Variants in MYOCD observed in about 807,000 individuals in gnomAD.
MYOCD encodes the protein myocardin.
In MYOCD, 32 loss-of-function variants were observed where a neutral mutation model predicts 96.1. That is an observed-to-expected ratio of 0.33 (90% CI 0.25 to 0.45). MYOCD has a LOEUF of 0.45. Among genes scored for constraint, MYOCD ranks in the 20% least tolerant of loss-of-function variants. The pLI is 1.00. For missense variants in MYOCD, 1,133 were observed against 1,200.6 expected (o/e 0.94, Z 0.83); for synonymous variants, 469 against 469.0 (o/e 1.00, Z 0.00).
At chr17:12,750,931 C>T (rs958253019) in intron 9 of MYOCD, among the ~76,000 whole-genome samples, 1 of 152,124 alleles carries the variant, frequency 6.6e-6, no homozygotes, top group Admixed American at 6.6e-5. Flanking sequence ...TCAATTAGCA[C>T]ACTTGATACA....
chr17:12,749,121 A>G (rs939208155), intron 9 of MYOCD, among the ~76,000 whole-genome samples: 12 of 152,250 alleles, frequency 7.9e-5, no homozygotes. Context: ...AACATTTTTC[A>G]TAACTGTTAA....
rs1036014402 is a variant in MYOCD at position 12,767,028 on chromosome 17, T to C, written c.*3384T>C. On this transcript the variant is annotated 3_prime_UTR_variant, in exon 14 of 14. Transcript: ENST00000425538. ...GGAAGATAGGAGATGGGTAGGGGGG[T>C]AAAGAGAAAAGGAGGGAGAAGGGAA... is the stretch of plus-strand genomic sequence containing the variant. 10 of 121,880 alleles carry C rather than the reference T, an allele frequency of 8.2e-5. No individual in the cohort carries two copies. The highest frequency in any genetic ancestry group is 2.9e-4 in the African/African-American group (9 of 30,670). The allele number at this position is 121,880 out of a possible 1,614,324, so 7.5% of individuals were successfully genotyped here.
intron 5 of MYOCD, among the ~76,000 whole-genome samples, chr17:12,735,957 A>G (rs1190311679): frequency 1.3e-5 from 2 of 152,158 alleles, no homozygotes; most frequent in Non-Finnish European, 2.9e-5. Context: ...TAGACCTTTG[A>G]TAGAGCACTC....
chr17:12,679,680 CTG>C (rs1026433829), intron 1 of MYOCD, among the ~76,000 whole-genome samples: 5 of 152,006 alleles, frequency 3.3e-5, no homozygotes, highest in African/African-American at 9.7e-5. Flanking sequence ...GAGGGAAAAA[CTG>C]GAGTTGGTTA....
chr17:12,699,043 C>T (rs565924127), intron 1 of MYOCD, among the ~76,000 whole-genome samples: 1 of 150,932 alleles, frequency 6.6e-6, no homozygotes, highest in South Asian at 2.1e-4. Flanking sequence ...CGCCCGGCCC[C>T]AGACCCTCTT....
chr17:12,730,058 G>C (rs1012055041), intron 5 of MYOCD, among the ~76,000 whole-genome samples: 1 of 151,148 alleles, frequency 6.6e-6, no homozygotes, highest in African/African-American at 2.4e-5. Context: ...GAGGCAGGAG[G>C]ATCACTTGAA....
rs543751291 is a variant in MYOCD at position 12,766,479 on chromosome 17, C to T, written c.*2835C>T. ...CTACAGTCTCCACAAACCGCATTCACCCTCTCTCTTCATAGCTCAGACATG... is the reference window on the plus strand; with the variant it reads ...CTACAGTCTCCACAAACCGCATTCATCCTCTCTCTTCATAGCTCAGACATG... On this transcript the variant is annotated 3_prime_UTR_variant, in exon 14 of 14. Transcript: ENST00000425538. The T allele has an allele frequency of 3.3e-5, 5 of 152,314 alleles. No homozygotes were observed. Among genetic ancestry groups the T allele is most frequent in the African/African-American group, 1.2e-4 (5 of 41,564 alleles). 9.4% of individuals were successfully genotyped at this position (152,314 alleles called of 1,614,324 possible).
rs995541688 is a variant in MYOCD, at chr17:12,765,085, T to C, written c.*1441T>C. Reference sequence around the variant, plus strand: ...CTGGGTTTTTGAAAGAAAACAGAATTGCGCATTGAAAACGATGGAAGGAAA... The same window carrying C: ...CTGGGTTTTTGAAAGAAAACAGAATCGCGCATTGAAAACGATGGAAGGAAA... On this transcript the variant is annotated 3_prime_UTR_variant, in exon 14 of 14. Coordinates refer to ENST00000425538, the MANE Select transcript of MYOCD (RefSeq NM_001146312.3). The C allele has an allele frequency of 1.3e-5, 2 of 152,184 alleles. No individual in the cohort carries two copies. Among genetic ancestry groups the C allele is most frequent in the Non-Finnish European group, 2.9e-5 (2 of 68,046 alleles). 9.4% of individuals were successfully genotyped at this position (152,184 alleles called of 1,614,324 possible). A position where few individuals can be genotyped will look rare whatever the true frequency, so the allele number is the denominator to read the frequency against.
In MYOCD at chr17:12,700,189, G is replaced by A. The variant is rs981890814; in HGVS notation, c.56-4939G>A. 6.0e-4 allele frequency among the ~76,000 whole-genome samples: 91 copies of A among 150,900 alleles called. 1 individual carries two copies. The highest frequency in any genetic ancestry group is 2.2e-4 in the Non-Finnish European group (15 of 67,688). On this transcript the variant is annotated intron_variant, in intron 1 of 13. Coordinates refer to ENST00000425538, the MANE Select transcript of MYOCD (RefSeq NM_001146312.3). ...CTCCCAAAATGCTGGGATTACAGGCGTGAGCCACCACAACCAGTCAATAAG... is the reference window on the plus strand; with the variant it reads ...CTCCCAAAATGCTGGGATTACAGGCATGAGCCACCACAACCAGTCAATAAG...
intron 1 of MYOCD, among the ~76,000 whole-genome samples, chr17:12,670,228 G>A (rs1909620369): frequency 6.6e-6 from 1 of 152,128 alleles, no homozygotes; most frequent in African/African-American, 2.4e-5. Flanking sequence ...TCAGGTAGTG[G>A]GACCCACCCC....
At chr17:12,749,664 C>T (rs1487069332) in intron 9 of MYOCD, among the ~76,000 whole-genome samples, 2 of 87,758 alleles carry the variant, frequency 2.3e-5, no homozygotes, top group Admixed American at 1.2e-4. Context: ...TATATATACA[C>T]ATATGTATAT....
intron 5 of MYOCD, among the ~76,000 whole-genome samples, chr17:12,723,810 A>G (rs560525740): frequency 6.6e-6 from 1 of 152,314 alleles, no homozygotes; most frequent in Middle Eastern, 3.4e-3. Context: ...AGATATTAAT[A>G]AGCAGTGTAT....
intron 9 of MYOCD, among the ~76,000 whole-genome samples, chr17:12,751,420 G>A (rs1284019278): frequency 6.6e-6 from 1 of 151,976 alleles, no homozygotes; most frequent in East Asian, 1.9e-4. Context: ...AGCTTTAATG[G>A]ATCTGTAGTG....
In MYOCD at chr17:12,744,323, C is replaced by T. The variant is rs371750716; in HGVS notation, c.858C>T (p.Tyr286=). 163 of 1,614,106 alleles carry T rather than the reference C, an allele frequency of 1.0e-4. No homozygotes were observed. The highest frequency in any genetic ancestry group is 8.2e-4 in the Middle Eastern group (5 of 6,084). The change falls in exon 8 of 14, where the codon TAC becomes TAT. Residue 286 remains tyrosine, a synonymous_variant. Transcript: ENST00000425538. Reference sequence around the variant, plus strand: ...CCCCTCCACCTATGGACTCAGCCTACGCTCGGCTGCTCCAGCAACAGCAGC... The same window carrying T: ...CCCCTCCACCTATGGACTCAGCCTATGCTCGGCTGCTCCAGCAACAGCAGC... ...EKSPPPMDSA[Y]ARLLQQQQLF... is the part of the protein sequence containing the mutation.
At chr17:12,744,113 C>A (rs537701724) in intron 7 of MYOCD, 70 bp from the exon 8 acceptor site, 2 of 1,552,004 alleles carry the variant, frequency 1.3e-6, no homozygotes, top group South Asian at 2.5e-5. Flanking sequence ...TGCCTCACAA[C>A]GTGTCCATGA....
In MYOCD at chr17:12,666,155, T is replaced by TG. The variant is rs746519064; in HGVS notation, c.-32dup. 4 of 1,597,268 alleles carry TG rather than the reference T, an allele frequency of 2.5e-6. No homozygotes were observed. The East Asian group carries it at 8.9e-5, about 36-fold the overall frequency. ...TTGCTGGTGGAGAACAGGGGGCGCC[T>TG]GGCCAAGGGACCAGCGGCTTGCTGA... On this transcript the variant is annotated 5_prime_UTR_variant, in exon 1 of 14. It removes the in-frame stop codon of an upstream open reading frame in the 5' UTR. Coordinates refer to ENST00000425538, the MANE Select transcript of MYOCD (RefSeq NM_001146312.3).
chr17:12,760,893 A>G, intron 13 of MYOCD, 186 bp downstream of exon 13: 1 of 573,234 alleles, frequency 1.7e-6, no homozygotes, highest in East Asian at 2.8e-5. Context: ...TTAGTGGATG[A>G]TTCCTCACTG....
intron 4 of MYOCD, among the ~76,000 whole-genome samples, chr17:12,721,458 GC>G (rs2031837165): frequency 6.6e-6 from 1 of 152,220 alleles, no homozygotes. Flanking sequence ...AGTTAGGAAA[GC>G]CTTATGCTGG....
rs193131989 is a variant in MYOCD at position 12,763,203 on chromosome 17, C to A, written c.2520C>A (p.Ser840Arg). 1,374 of 1,614,138 alleles carry A rather than the reference C, an allele frequency of 8.5e-4. 22 individuals carry two copies. In the South Asian group the frequency reaches 0.011, roughly 13 times the overall value. Residue 840 changes from serine (S) to arginine (R), a missense_variant, in exon 14 of 14, where the codon AGC (serine) becomes AGA (arginine). By Grantham distance (110) the Ser-to-Arg change is moderately radical (BLOSUM62 -1). Coordinates refer to ENST00000425538, the MANE Select transcript of MYOCD (RefSeq NM_001146312.3). The stretch of plus-strand genomic sequence containing the variant: ...CCTTTGAACAAGCCTCTTCAGGCAG[C>A]CAGATCCCCTTTGATCCCTATGCCA... ...SASFEQASSG[S>R]QIPFDPYATD... is the part of the protein sequence containing the mutation.
Sources: gnomAD v4.1 joint callset for allele counts (sites outside exome capture counted in the v4.1 genomes callset) on GRCh38, gnomAD v4.1.1 for gene constraint, MANE v1.5 for transcripts, NCBI Gene and HGNC (gene_info 2026-07-23, HGNC 2026-07-21) for gene names.